RANBP17: variants seen among roughly 807,000 people sequenced by gnomAD.
RANBP17 encodes RAN binding protein 17.
Under a neutral mutation model 141.2 loss-of-function variants are expected in RANBP17, and 158 were observed. The observed-to-expected ratio is 1.12, with a 90% CI of 0.98 to 1.28. RANBP17 has a LOEUF of 1.28. Among genes scored for constraint, RANBP17 ranks in the 50% most tolerant of loss-of-function variants. RANBP17 has a pLI of 0.00. For synonymous variants in RANBP17, 430 were observed against 450.0 expected, an observed-to-expected ratio of 0.96 and a Z score of 0.56; for missense variants, 1,438 against 1,290.7, an observed-to-expected ratio of 1.11 and a Z score of -1.75.
intron 25 of RANBP17, among the ~76,000 whole-genome samples, chr5:171,272,639 T>C (rs1767194251): frequency 6.6e-6 from 1 of 152,232 alleles, no homozygotes; most frequent in Non-Finnish European, 1.5e-5. Context: ...TCTCTGTTCC[T>C]TTGTTTAGTG....
chr5:170,883,734 A>G (rs918524717), intron 3 of RANBP17, among the ~76,000 whole-genome samples: 2 of 151,910 alleles, frequency 1.3e-5, no homozygotes, highest in Admixed American at 1.3e-4. Context: ...GGCTTCTTTC[A>G]CTTAGTAATA....
At position 171,211,557 on chromosome 5, in the gene RANBP17, C is replaced by A. The variant is rs530761685; in HGVS notation, c.2232-2074C>A. On this transcript the variant is annotated intron_variant, in intron 20 of 27. Transcript: ENST00000523189. Reference sequence around the variant, plus strand: ...GATTATAGGTGTGAGCCACCATGCCCGACTTTCTTTGAAGTACTTTCTAAT... The same window carrying A: ...GATTATAGGTGTGAGCCACCATGCCAGACTTTCTTTGAAGTACTTTCTAAT... Among the ~76,000 whole-genome samples, 142 of 151,962 alleles carry A rather than the reference C, an allele frequency of 9.3e-4. 1 individual carries two copies. Among genetic ancestry groups the A allele is most frequent in the Non-Finnish European group, 3.8e-4 (26 of 67,976 alleles).
intron 5 of RANBP17, among the ~76,000 whole-genome samples, chr5:170,901,208 G>T (rs141985866): frequency 0.011 from 1,726 of 152,182 alleles, 30 homozygotes; most frequent in African/African-American, 0.04. Context: ...TTGGATGCAT[G>T]TATATTTAGG....
At chr5:171,075,897 G>A (rs951561807) in intron 14 of RANBP17, among the ~76,000 whole-genome samples, 1 of 152,066 alleles carries the variant, frequency 6.6e-6, no homozygotes, top group African/African-American at 2.4e-5. Context: ...AGGTTGCAGT[G>A]AGCCGAGATC....
At chr5:171,109,564 A>G (rs556828635) in intron 14 of RANBP17, among the ~76,000 whole-genome samples, 1 of 152,298 alleles carries the variant, frequency 6.6e-6, no homozygotes, top group Admixed American at 6.5e-5. Context: ...ACTTATATAG[A>G]ATGGTGTAGT....
At chr5:171,258,582 C>T (rs909021906) in intron 24 of RANBP17, among the ~76,000 whole-genome samples, 1 of 152,108 alleles carries the variant, frequency 6.6e-6, no homozygotes, top group Admixed American at 6.6e-5. Flanking sequence ...AAGTCACATA[C>T]TTACAGCCAA....
intron 14 of RANBP17, among the ~76,000 whole-genome samples, chr5:170,989,005 T>A (rs2127561680): frequency 6.6e-6 from 1 of 151,918 alleles, no homozygotes; most frequent in African/African-American, 2.4e-5. Flanking sequence ...TAAAGTAAGA[T>A]CATGTGTGAA....
intron 14 of RANBP17, among the ~76,000 whole-genome samples, chr5:171,078,005 G>A (rs1489666313): frequency 1.3e-5 from 2 of 152,192 alleles, no homozygotes; most frequent in Non-Finnish European, 2.9e-5. Context: ...AGCCATCTCC[G>A]TAACATAAAG....
intron 20 of RANBP17, chr5:171,206,764 A>C (rs919862861): frequency 5.6e-6 from 1 of 179,078 alleles, no homozygotes; most frequent in South Asian, 2.0e-4. Context: ...ATTTTTAAAC[A>C]TTAATTTGAT....
intron 14 of RANBP17, among the ~76,000 whole-genome samples, chr5:171,130,002 T>C (rs920054818): frequency 2.0e-5 from 3 of 152,200 alleles, no homozygotes; most frequent in Non-Finnish European, 4.4e-5. Context: ...TTTGCAAATC[T>C]ATTTGGTGTC....
intron 14 of RANBP17, among the ~76,000 whole-genome samples, chr5:171,031,359 G>A (rs1287602734): frequency 6.6e-6 from 1 of 151,954 alleles, no homozygotes; most frequent in Non-Finnish European, 1.5e-5. Flanking sequence ...AATCAAAAAT[G>A]TGACTTTCGG....
intron 25 of RANBP17, among the ~76,000 whole-genome samples, chr5:171,289,507 G>C (rs995621019): frequency 2.6e-5 from 4 of 152,154 alleles, no homozygotes; most frequent in Non-Finnish European, 4.4e-5. Context: ...GGAGGCTGAG[G>C]GGGGAGGATT....
intron 21 of RANBP17, among the ~76,000 whole-genome samples, chr5:171,219,526 G>A (rs920724283): frequency 2.0e-5 from 3 of 152,070 alleles, no homozygotes; most frequent in Non-Finnish European, 2.9e-5. Flanking sequence ...TTCAGGTACA[G>A]CAGTCAATGG....
chr5:171,133,762 T>A (rs1757087291), intron 14 of RANBP17, among the ~76,000 whole-genome samples: 1 of 152,258 alleles, frequency 6.6e-6, no homozygotes, highest in African/African-American at 2.4e-5. Flanking sequence ...GTCTGGTGAA[T>A]GTGATTTCCC....
At chr5:171,143,739 G>A (rs184368559) in intron 14 of RANBP17, among the ~76,000 whole-genome samples, 127 of 152,318 alleles carry the variant, frequency 8.3e-4, no homozygotes, top group Non-Finnish European at 9.4e-4. Flanking sequence ...AGCACAGAAT[G>A]ACAATGGAAA....
intron 14 of RANBP17, among the ~76,000 whole-genome samples, chr5:171,139,069 C>T (rs920231138): frequency 2.0e-5 from 3 of 151,700 alleles, no homozygotes; most frequent in Non-Finnish European, 4.4e-5. Flanking sequence ...CATACTGAGA[C>T]CCTGTCTCTT....
intron 11 of RANBP17, among the ~76,000 whole-genome samples, chr5:170,922,542 G>C (rs368972544): frequency 6.6e-6 from 1 of 152,148 alleles, no homozygotes; most frequent in Non-Finnish European, 1.5e-5. Flanking sequence ...CCCTTCCCCC[G>C]TCAAGCTGCA....
At chr5:170,966,364 C>G (rs1028465474) in intron 13 of RANBP17, among the ~76,000 whole-genome samples, 3 of 152,162 alleles carry the variant, frequency 2.0e-5, no homozygotes, top group Non-Finnish European at 4.4e-5. Flanking sequence ...TGGGCTTCAT[C>G]CCTGGAATGC....
chr5:171,069,100 GA>G (rs1391216943), intron 14 of RANBP17, among the ~76,000 whole-genome samples: 2 of 151,740 alleles, frequency 1.3e-5, no homozygotes, highest in Admixed American at 1.3e-4. Context: ...AAGTAAAGGA[GA>G]AAAAAAATAG....
Sources: gnomAD v4.1 joint callset for allele counts (sites outside exome capture counted in the v4.1 genomes callset) on GRCh38, gnomAD v4.1.1 for gene constraint, MANE v1.5 for transcripts, NCBI Gene and HGNC (gene_info 2026-07-23, HGNC 2026-07-21) for gene names.